CD48: variants seen among roughly 807,000 people sequenced by gnomAD.
The protein encoded by CD48 is CD48 molecule.
CD48 carries 20 observed loss-of-function variants against 22.0 expected under a neutral mutation model. The ratio of observed to expected loss-of-function variants is 0.91; its 90% CI spans 0.64 to 1.32. CD48 has a LOEUF of 1.32. Among genes scored for constraint, CD48 ranks in the 40% most tolerant of loss-of-function variants. The pLI, the probability that CD48 is intolerant of heterozygous loss-of-function variation, is 0.00. For missense variants in CD48, 307 were observed against 286.5 expected (o/e 1.07, Z -0.52); for synonymous variants, 110 against 110.1 (o/e 1.00, Z 0.01).
intron 2 of CD48, 110 bp from the exon 3 acceptor site, chr1:160,681,578 G>T: frequency 7.4e-7 from 1 of 1,358,384 alleles, no homozygotes; most frequent in Non-Finnish European, 1.0e-6. Flanking sequence ...TGCCCCAGGA[G>T]GCAGAGTCAT....
At position 160,711,702 on chromosome 1, in the gene CD48, A is replaced by C. The variant is rs755336941; in HGVS notation, c.62T>G (p.Leu21Arg). Residue 21 changes from leucine (L) to arginine (R), a missense_variant, in exon 1 of 4, where the codon CTC becomes CGC. By Grantham distance (102) the Leu-to-Arg change is moderately radical. Transcript: ENST00000368046. ...AGTACCTTGAATGCTGGTCACCAGG[A>C]GTGACAGAGGCAGCAGTAGCAATTC... ...ALELLLLPLS[L>R]LVTSIQGHLV... 1.2e-5 allele frequency: 19 copies of C among 1,611,472 alleles called. No homozygotes were observed. The highest frequency in any genetic ancestry group is 1.5e-5 in the Non-Finnish European group (18 of 1,177,736).
intron 1 of CD48, among the ~76,000 whole-genome samples, chr1:160,709,294 T>C (rs987595029): frequency 6.6e-6 from 1 of 152,190 alleles, no homozygotes. Flanking sequence ...ACTGATGCTC[T>C]TCCCAGGTTT....
At chr1:160,707,261 G>A (rs556892063) in intron 1 of CD48, among the ~76,000 whole-genome samples, 14 of 152,258 alleles carry the variant, frequency 9.2e-5, no homozygotes, top group East Asian at 1.9e-4. Context: ...CTCTTCAGAC[G>A]TTGCAATTTG....
chr1:160,682,641 G>A (rs1167897644), intron 2 of CD48, among the ~76,000 whole-genome samples: 1 of 152,110 alleles, frequency 6.6e-6, no homozygotes, highest in Non-Finnish European at 1.5e-5. Context: ...AGGCAAGGTA[G>A]TTAACCCCCT....
chr1:160,707,037 C>T (rs1392170568), intron 1 of CD48, among the ~76,000 whole-genome samples: 1 of 152,112 alleles, frequency 6.6e-6, no homozygotes, highest in Admixed American at 6.5e-5. Flanking sequence ...GACAGAGTTA[C>T]CTGAAGCTCT....
At chr1:160,697,804 A>G (rs1422300066) in intron 1 of CD48, among the ~76,000 whole-genome samples, 2 of 149,170 alleles carry the variant, frequency 1.3e-5, no homozygotes, top group Non-Finnish European at 3.0e-5. Context: ...CTCGAGGTCA[A>G]TTCTACCACA....
intron 1 of CD48, among the ~76,000 whole-genome samples, chr1:160,698,408 G>C (rs1459397760): frequency 6.6e-6 from 1 of 152,138 alleles, no homozygotes; most frequent in African/African-American, 2.4e-5. Flanking sequence ...TACTTTAATT[G>C]CAGTGATTAT....
intron 3 of CD48, among the ~76,000 whole-genome samples, chr1:160,679,754 C>CA (rs1326724625): frequency 3.3e-5 from 5 of 151,750 alleles, no homozygotes; most frequent in African/African-American, 4.8e-5. Context: ...TTTACCCTTC[C>CA]AAAAAAAATG....
At chr1:160,708,865 G>T (rs529445608) in intron 1 of CD48, among the ~76,000 whole-genome samples, 12 of 152,306 alleles carry the variant, frequency 7.9e-5, no homozygotes, top group African/African-American at 2.9e-4. Flanking sequence ...GACCTGCAAA[G>T]CTAGCTTAGA....
In CD48 at chr1:160,681,326, G is replaced by A. The variant is rs1299101891; in HGVS notation, c.528C>T (p.Leu176=). The A allele has an allele frequency of 6.2e-7, 1 of 1,614,176 alleles. No homozygotes were observed. Among genetic ancestry groups the A allele is most frequent in the Non-Finnish European group, 8.5e-7 (1 of 1,180,030 alleles). Residue 176 remains leucine, a synonymous_variant, in exon 3 of 4, where the codon CTC becomes CTT. Transcript: ENST00000368046. ...YGDKRPFPKE[L]QNSVLETTLM... is the part of the protein sequence containing the mutation. ...GGGTGGTTTCAAGCACACTGTTCTG[G>A]AGCTCCTTTGGGAAGGGCCTTTTGT...
At chr1:160,690,745 T>C (rs1403300388) in intron 1 of CD48, among the ~76,000 whole-genome samples, 1 of 152,218 alleles carries the variant, frequency 6.6e-6, no homozygotes, top group Non-Finnish European at 1.5e-5. Context: ...GCAGTTTCTA[T>C]ATTTTTAGTG....
chr1:160,688,630 T>G (rs1421994298), intron 1 of CD48, among the ~76,000 whole-genome samples: 1 of 152,122 alleles, frequency 6.6e-6, no homozygotes, highest in African/African-American at 2.4e-5. Context: ...GGAACAACAG[T>G]CAAAATAGTT....
intron 1 of CD48, among the ~76,000 whole-genome samples, chr1:160,695,114 T>C (rs550615574): frequency 1.3e-5 from 2 of 152,326 alleles, no homozygotes; most frequent in African/African-American, 4.8e-5. Flanking sequence ...ACCATCCCTC[T>C]GGCAGAGCAG....
At chr1:160,697,098 C>T (rs540244603) in intron 1 of CD48, among the ~76,000 whole-genome samples, 48 of 152,266 alleles carry the variant, frequency 3.2e-4, no homozygotes, top group African/African-American at 1.1e-3. Flanking sequence ...CAGACTACTA[C>T]TTCTGCAGAA....
At chr1:160,698,464 A>G (rs200903590) in intron 1 of CD48, among the ~76,000 whole-genome samples, 1 of 152,156 alleles carries the variant, frequency 6.6e-6, no homozygotes, top group Non-Finnish European at 1.5e-5. Context: ...CAGGAGTTGC[A>G]TTGCACTCTT....
At chr1:160,696,085 A>G (rs1162156813) in intron 1 of CD48, among the ~76,000 whole-genome samples, 182 of 148,698 alleles carry the variant, frequency 1.2e-3, no homozygotes, top group Non-Finnish European at 2.0e-3. Context: ...TAAAATTACC[A>G]GATGTGAACC....
At chr1:160,704,607 G>A (rs1662737348) in intron 1 of CD48, among the ~76,000 whole-genome samples, 1 of 152,220 alleles carries the variant, frequency 6.6e-6, no homozygotes, top group Admixed American at 6.5e-5. Context: ...CAGTAGCAAA[G>A]TATTGTGGAA....
chr1:160,685,197 T>C lies in CD48; in HGVS notation c.83-8A>G, dbSNP rs1444527420. 6.3e-7 allele frequency: 1 copy of C among 1,598,284 alleles called. No individual in the cohort carries two copies. On this transcript the variant is annotated splice_polypyrimidine_tract_variant and splice_region_variant and intron_variant, in intron 1 of 3. Coordinates refer to ENST00000368046, the MANE Select transcript of CD48 (RefSeq NM_001778.4). ...TCATATGTACCAAGTGACCTGCCAA[T>C]GAGATTCAGAGTGAGACCTGCGCTA...
Position 160,685,099 on chromosome 1 carries a change from C to G in CD48, c.173G>C (p.Trp58Ser). The G allele has an allele frequency of 6.2e-7, 1 of 1,614,040 alleles. No homozygotes were observed. Among genetic ancestry groups the G allele is most frequent in the Non-Finnish European group, 8.5e-7 (1 of 1,179,952 alleles). Reference sequence around the variant, plus strand: ...AATCTTCTGGTCGAAAGTATAAAACCAGGTTAGTTGTTTGTAGTTCTCAGG... The same window carrying G: ...AATCTTCTGGTCGAAAGTATAAAACGAGGTTAGTTGTTTGTAGTTCTCAGG... Reference protein sequence around the residue: ...SLPENYKQLTWFYTFDQKIVE... With the variant: ...SLPENYKQLTSFYTFDQKIVE... Residue 58 changes from tryptophan to serine, a missense_variant, in exon 2 of 4, where the codon TGG (tryptophan) becomes TCG (serine). By Grantham distance (177) the Trp-to-Ser change is radical (BLOSUM62 -3). Transcript: ENST00000368046.
Sources: gnomAD v4.1 joint callset for allele counts (sites outside exome capture counted in the v4.1 genomes callset) on GRCh38, gnomAD v4.1.1 for gene constraint, MANE v1.5 for transcripts, NCBI Gene and HGNC (gene_info 2026-07-23, HGNC 2026-07-21) for gene names.